The following CSMD1 variants were observed in gnomAD, a reference collection of about 807,000 sequenced individuals.
The protein encoded by CSMD1 is CUB and Sushi multiple domains 1.
In CSMD1, 213 loss-of-function variants were observed where a neutral mutation model predicts 417.5. That is an observed-to-expected ratio of 0.51 (90% CI 0.46 to 0.57). The LOEUF is 0.57. Ranked by LOEUF, CSMD1 falls within the 20% of genes least tolerant of loss-of-function variation. CSMD1 has a pLI of 0.00. For synonymous variants in CSMD1, 2,862 were observed against 1,736.8 expected, an observed-to-expected ratio of 1.65 and a Z score of -16.11; for missense variants, 6,923 against 4,529.7, an observed-to-expected ratio of 1.53 and a Z score of -15.17.
At chr8:4,456,997 AAAC>A (rs1352867678) in intron 2 of CSMD1, among the ~76,000 whole-genome samples, 12 of 151,614 alleles carry the variant, frequency 7.9e-5, no homozygotes, top group East Asian at 3.9e-4. Flanking sequence ...AAAAAAAAAA[AAAC>A]AACAAGAAAA....
intron 10 of CSMD1, 126 bp downstream of exon 10, chr8:3,574,819 T>C: frequency 8.9e-7 from 1 of 1,117,822 alleles, no homozygotes; most frequent in South Asian, 1.7e-5. Context: ...AGGATGCAGC[T>C]GGAACTTTTA....
chr8:4,402,274 C>A (rs555990362), intron 3 of CSMD1, among the ~76,000 whole-genome samples: 1 of 152,044 alleles, frequency 6.6e-6, no homozygotes, highest in Non-Finnish European at 1.5e-5. Context: ...ATCCAATTAT[C>A]ATTCCCCACG....
intron 3 of CSMD1, among the ~76,000 whole-genome samples, chr8:4,205,182 T>C (rs1372062106): frequency 2.6e-5 from 4 of 152,240 alleles, no homozygotes; most frequent in Non-Finnish European, 4.4e-5. Flanking sequence ...TGAAGAAACA[T>C]CTGATTTAAA....
At chr8:4,159,860 G>C (rs930394563) in intron 3 of CSMD1, among the ~76,000 whole-genome samples, 1 of 152,070 alleles carries the variant, frequency 6.6e-6, no homozygotes, top group Non-Finnish European at 1.5e-5. Flanking sequence ...AAGACCGTAT[G>C]TTCTCACCCA....
chr8:3,428,188 A>G (rs1194162758), intron 12 of CSMD1, among the ~76,000 whole-genome samples: 3 of 151,644 alleles, frequency 2.0e-5, no homozygotes, highest in African/African-American at 7.3e-5. Context: ...GGGACCTAAA[A>G]GTGATATGTG....
intron 3 of CSMD1, among the ~76,000 whole-genome samples, chr8:4,062,035 G>C (rs1005591693): frequency 2.6e-5 from 4 of 152,136 alleles, no homozygotes; most frequent in Non-Finnish European, 4.4e-5. Flanking sequence ...CACGCAGGTG[G>C]TGAAAATGCA....
chr8:3,923,343 C>G (rs760936845), intron 5 of CSMD1, among the ~76,000 whole-genome samples: 1 of 152,108 alleles, frequency 6.6e-6, no homozygotes, highest in Non-Finnish European at 1.5e-5. Flanking sequence ...CATCCACATA[C>G]GTATATTTTT....
chr8:4,492,825 G>C (rs1486023407), intron 2 of CSMD1, among the ~76,000 whole-genome samples: 3 of 152,174 alleles, frequency 2.0e-5, no homozygotes, highest in Non-Finnish European at 2.9e-5. Flanking sequence ...ATTTACTCCA[G>C]ATGCTGCTTC....
intron 5 of CSMD1, among the ~76,000 whole-genome samples, chr8:3,827,718 C>T (rs541937801): frequency 6.6e-6 from 1 of 152,310 alleles, no homozygotes; most frequent in Non-Finnish European, 1.5e-5. Flanking sequence ...AGGATTTATT[C>T]CATCCACCTC....
chr8:3,404,331 T>G (rs539622275), intron 15 of CSMD1, among the ~76,000 whole-genome samples: 1 of 20,202 alleles, frequency 4.9e-5, no homozygotes, highest in Admixed American at 8.1e-4. Context: ...CCAGACGCTA[T>G]CTCAAAAAAA....
intron 5 of CSMD1, among the ~76,000 whole-genome samples, chr8:3,819,697 C>A (rs1395380715): frequency 6.6e-6 from 1 of 152,128 alleles, no homozygotes; most frequent in Non-Finnish European, 1.5e-5. Context: ...GGTGATCCTC[C>A]AATCTCAGCC....
At chr8:3,640,586 G>C (rs969536430) in intron 7 of CSMD1, among the ~76,000 whole-genome samples, 2 of 152,164 alleles carry the variant, frequency 1.3e-5, no homozygotes, top group African/African-American at 2.4e-5. Context: ...TATTTTCTCT[G>C]AACCACTACA....
At chr8:4,730,127 G>A (rs1487730046) in intron 1 of CSMD1, among the ~76,000 whole-genome samples, 1 of 152,094 alleles carries the variant, frequency 6.6e-6, no homozygotes, top group South Asian at 2.1e-4. Context: ...GAAGCATTGA[G>A]AAGTACTTGG....
intron 52 of CSMD1, among the ~76,000 whole-genome samples, chr8:3,016,562 C>T (rs1808851867): frequency 6.6e-6 from 1 of 152,194 alleles, no homozygotes; most frequent in African/African-American, 2.4e-5. Flanking sequence ...TATTAACTTT[C>T]AAAATGTTTG....
At chr8:3,817,278 T>C (rs1442484773) in intron 5 of CSMD1, among the ~76,000 whole-genome samples, 9 of 78,790 alleles carry the variant, frequency 1.1e-4, no homozygotes, top group African/African-American at 5.0e-4. Flanking sequence ...TTTTTTTTTT[T>C]TTTTTTTTTT....
chr8:3,133,806 A>T (rs1817925182), intron 41 of CSMD1, among the ~76,000 whole-genome samples: 1 of 152,246 alleles, frequency 6.6e-6, no homozygotes. Flanking sequence ...GCTGCGCTGC[A>T]GCTGCCTCAC....
chr8:4,850,927 A>G (rs1801440246), intron 1 of CSMD1, among the ~76,000 whole-genome samples: 2 of 132,088 alleles, frequency 1.5e-5, no homozygotes, highest in South Asian at 2.8e-4. Context: ...TTTTGTGGTT[A>G]TTTTTTTATC....
At chr8:4,202,922 G>T (rs1356256147) in intron 3 of CSMD1, among the ~76,000 whole-genome samples, 2 of 152,146 alleles carry the variant, frequency 1.3e-5, no homozygotes, top group African/African-American at 2.4e-5. Context: ...CTGGAGTGAG[G>T]AGAGATGTTG....
At position 3,549,046 on chromosome 8, in the gene CSMD1, C is replaced by G. The variant is rs756374765; in HGVS notation, c.1344+25899G>C. Among the ~76,000 whole-genome samples, 49 of 152,174 alleles carry G rather than the reference C, an allele frequency of 3.2e-4. 1 individual carries two copies. The highest frequency in any genetic ancestry group is 6.5e-4 in the Non-Finnish European group (44 of 68,044). On this transcript the variant is annotated intron_variant, in intron 10 of 69. Transcript: ENST00000635120. The stretch of plus-strand genomic sequence containing the variant: ...TCAAGGAAGACCTGCTCCTCGAAGC[C>G]ATCCCTGATATCAACCCCACTTCCC...
Sources: gnomAD v4.1 joint callset for allele counts (sites outside exome capture counted in the v4.1 genomes callset) on GRCh38, gnomAD v4.1.1 for gene constraint, MANE v1.5 for transcripts, NCBI Gene and HGNC (gene_info 2026-07-23, HGNC 2026-07-21) for gene names.